CRY2: variants seen among roughly 807,000 people sequenced by gnomAD.
The protein encoded by CRY2 is cryptochrome circadian regulator 2.
In CRY2, 31 loss-of-function variants were observed where a neutral mutation model predicts 69.5. The ratio of observed to expected loss-of-function variants is 0.45; its 90% CI spans 0.34 to 0.60. The LOEUF is 0.60. CRY2 is among the 20% of genes least tolerant of loss of function. The probability of loss-of-function intolerance (pLI) is 0.02; values close to 1 mark genes in which losing one functional copy is unlikely to be tolerated. For missense variants in CRY2, 606 were observed against 797.8 expected, an observed-to-expected ratio of 0.76 and a Z score of 2.90; for synonymous variants, 303 against 312.2, an observed-to-expected ratio of 0.97 and a Z score of 0.31.
chr11:45,856,235 G>T lies in CRY2; in HGVS notation c.324+145G>T, dbSNP rs2086238224. The T allele has an allele frequency of 4.4e-6, 3 of 681,416 alleles. No homozygotes were observed. In the East Asian group the frequency reaches 8.1e-5, roughly 18 times the overall value. The allele number at this position is 681,416 out of a possible 1,614,324, so 42.2% of individuals were successfully genotyped here. ...GCTGCTAGAGAAGTTGGGAGCAAAGGCAGCCAGTTAGCTTGCTCTTGGAAT... is the reference window on the plus strand; with the variant it reads ...GCTGCTAGAGAAGTTGGGAGCAAAGTCAGCCAGTTAGCTTGCTCTTGGAAT... On this transcript the variant is annotated intron_variant, in intron 2 of 11. Coordinates refer to ENST00000616080, the MANE Select transcript of CRY2 (RefSeq NM_021117.5).
At chr11:45,850,151 G>A (rs2086186466) in intron 1 of CRY2, among the ~76,000 whole-genome samples, 1 of 151,990 alleles carries the variant, frequency 6.6e-6, no homozygotes, top group Non-Finnish European at 1.5e-5. Flanking sequence ...TGGGACTGCA[G>A]GCATGCACCA....
chr11:45,882,258 C>G lies in CRY2; in HGVS notation c.*1347C>G, dbSNP rs12222637. On this transcript the variant is annotated 3_prime_UTR_variant, in exon 12 of 12. Transcript: ENST00000616080. The stretch of plus-strand genomic sequence containing the variant: ...TCCACCCTGTGGCCTGCACTTGAGC[C>G]ACAAAGTGTGTGTGTGTGTGTGCGT... 1 of 181,724 alleles carries G rather than the reference C, an allele frequency of 5.5e-6. No homozygotes were observed. The highest frequency in any genetic ancestry group is 1.2e-4 in the East Asian group (1 of 8,316). 11.3% of individuals were successfully genotyped at this position (181,724 alleles called of 1,614,324 possible). A position where few individuals can be genotyped will look rare whatever the true frequency, so the allele number is the denominator to read the frequency against.
chr11:45,864,799 C>T (rs1279735055), intron 5 of CRY2, among the ~76,000 whole-genome samples: 2 of 150,000 alleles, frequency 1.3e-5, no homozygotes, highest in Non-Finnish European at 3.0e-5. Flanking sequence ...ACCTGGGAGG[C>T]GGAGGTTGCA....
chr11:45,865,478 C>T (rs572852191), intron 5 of CRY2, among the ~76,000 whole-genome samples: 4 of 152,282 alleles, frequency 2.6e-5, no homozygotes, highest in East Asian at 1.9e-4. Flanking sequence ...GGTGTGTACA[C>T]GCAAAAATAC....
chr11:45,873,690 C>T (rs2086404334), intron 11 of CRY2, among the ~76,000 whole-genome samples: 1 of 152,126 alleles, frequency 6.6e-6, no homozygotes, highest in Non-Finnish European at 1.5e-5. Context: ...TGCTGTCCAT[C>T]CATAAGGATT....
Position 45,861,016 on chromosome 11 carries a change from C to T in CRY2, c.636C>T (p.Pro212=). The part of the protein sequence containing the change: ...QENHDETYGV[P]SLEELGFPTE... ...ACCACGACGAGACCTACGGCGTGCCCTCCCTGGAGGAGCTGGGTGCGTACT... is the reference window on the plus strand; with the variant it reads ...ACCACGACGAGACCTACGGCGTGCCTTCCCTGGAGGAGCTGGGTGCGTACT... Residue 212 remains proline, a synonymous_variant, in exon 4 of 12, where the codon CCC becomes CCT. Transcript: ENST00000616080. 2 of 1,613,044 alleles carry T rather than the reference C, an allele frequency of 1.2e-6. No homozygotes were observed. The highest frequency in any genetic ancestry group is 2.2e-5 in the South Asian group (2 of 91,056).
intron 5 of CRY2, among the ~76,000 whole-genome samples, chr11:45,864,744 TG>T (rs2086316007): frequency 6.6e-6 from 1 of 152,070 alleles, no homozygotes; most frequent in South Asian, 2.1e-4. Flanking sequence ...GGCGAGTGCC[TG>T]TAATCCCAGC....
At chr11:45,879,990 A>G (rs2086458282) in intron 11 of CRY2, among the ~76,000 whole-genome samples, 1 of 152,144 alleles carries the variant, frequency 6.6e-6, no homozygotes, top group South Asian at 2.1e-4. Context: ...GGCCCACACT[A>G]ATGACCTCAT....
rs965913696 is a variant in CRY2, at chr11:45,872,367, A to C, written c.*2+134A>C. On this transcript the variant is annotated intron_variant, in intron 11 of 11. Transcript: ENST00000616080. ...TGGGACCACCCAATGCTCAGCCACT[A>C]AAGCTTTACCATTTTACAGTGGCAG... 37 of 797,960 alleles carry C rather than the reference A, an allele frequency of 4.6e-5. No homozygotes were observed. The African/African-American group carries it at 6.1e-4, about 13-fold the overall frequency. 49.4% of individuals were successfully genotyped at this position (797,960 alleles called of 1,614,324 possible). A position where few individuals can be genotyped will look rare whatever the true frequency, so the allele number is the denominator to read the frequency against.
chr11:45,875,532 G>A (rs1003149508), intron 11 of CRY2, among the ~76,000 whole-genome samples: 6 of 152,156 alleles, frequency 3.9e-5, no homozygotes, highest in South Asian at 2.1e-4. Flanking sequence ...GTAAATGCCC[G>A]TCTCTTGCCC....
intron 5 of CRY2, among the ~76,000 whole-genome samples, chr11:45,863,870 G>T (rs750300993): frequency 9.2e-5 from 14 of 152,140 alleles, no homozygotes; most frequent in Non-Finnish European, 1.8e-4. Context: ...AATATGAGAT[G>T]CTGTTACTGA....
At chr11:45,847,230 A>T (rs780961899), upstream of CRY2, 2 of 1,550,906 alleles carry the variant, frequency 1.3e-6, no homozygotes, top group South Asian at 1.2e-5. Context: ...GGACAGCCCC[A>T]GCCTGCGTCA....
intron 5 of CRY2, 137 bp downstream of exon 5, chr11:45,862,285 G>A (rs1045611181): frequency 5.5e-6 from 4 of 724,048 alleles, no homozygotes; most frequent in Admixed American, 3.1e-5. Context: ...CCTCCTGATG[G>A]CCATAACAAC....
Position 45,860,906 on chromosome 11 carries a change from A to G in CRY2, c.526A>G (p.Ile176Val), listed in dbSNP as rs1293258779. ...PLTYKRFQAIISRMELPKKPV... is the reference protein window; with the variant it reads ...PLTYKRFQAIVSRMELPKKPV... Reference sequence around the variant, plus strand: ...TACATACAAGCGCTTTCAGGCCATCATCAGCCGCATGGAGCTGCCCAAGAA... The same window carrying G: ...TACATACAAGCGCTTTCAGGCCATCGTCAGCCGCATGGAGCTGCCCAAGAA... The change falls in exon 4 of 12, where the codon ATC becomes GTC. Residue 176 changes from isoleucine (I) to valine (V), a missense_variant. By Grantham distance (29) the Ile-to-Val change is conservative (BLOSUM62 3). Transcript: ENST00000616080. The G allele has an allele frequency of 1.2e-6, 2 of 1,614,164 alleles. No homozygotes were observed. Among genetic ancestry groups the G allele is most frequent in the Non-Finnish European group, 1.7e-6 (2 of 1,180,046 alleles).
Position 45,847,544 on chromosome 11 carries a change from C to T in CRY2, c.54C>T (p.Gly18=), listed in dbSNP as rs1399658246. 1.3e-6 allele frequency: 2 copies of T among 1,588,870 alleles called. No homozygotes were observed. ...CTGTGGCCCCGGCGCCAGCGCCCGG[C>T]ACGGACAGCGCCTCTTCGGTGCACT... The part of the protein sequence containing the change: ...AAAVAPAPAP[G]TDSASSVHWF... The change falls in exon 1 of 12, where the codon GGC becomes GGT. Residue 18 remains glycine, a synonymous_variant. Transcript: ENST00000616080.
At chr11:45,875,659 GGGTGCAGAGGTCAGAGGATCTGGGGT>G (rs1237096355) in intron 11 of CRY2, among the ~76,000 whole-genome samples, 1 of 152,192 alleles carries the variant, frequency 6.6e-6, no homozygotes, top group South Asian at 2.1e-4. Flanking sequence ...TGAAGGTTGG[GGGTGCAGAGGTCAGAGGATCTGGGGT>G]GGTGCAGACT....
chr11:45,870,288 G>A, intron 8 of CRY2, 42 bp from the exon 9 acceptor site: 1 of 1,613,662 alleles, frequency 6.2e-7, no homozygotes, highest in East Asian at 2.2e-5. Context: ...TTGAAGGAGG[G>A]TCTGGGTATG....
chr11:45,860,803 C>T (rs2086281464), intron 3 of CRY2, 45 bp from the exon 4 acceptor site: 7 of 1,594,152 alleles, frequency 4.4e-6, no homozygotes, highest in East Asian at 2.2e-5. Flanking sequence ...GGACCCACAT[C>T]ACAGGGCCAT....
chr11:45,860,601 C>T (rs2086279515), intron 3 of CRY2, among the ~76,000 whole-genome samples: 1 of 152,044 alleles, frequency 6.6e-6, no homozygotes, highest in Admixed American at 6.6e-5. Context: ...GAATTGAGTC[C>T]CAGCTCTGGC....
Sources: gnomAD v4.1 joint callset for allele counts (sites outside exome capture counted in the v4.1 genomes callset) on GRCh38, gnomAD v4.1.1 for gene constraint, MANE v1.5 for transcripts, NCBI Gene and HGNC (gene_info 2026-07-23, HGNC 2026-07-21) for gene names.